Variants in ABCB8 observed in about 807,000 individuals in gnomAD.
The protein encoded by ABCB8 is mitochondrial potassium channel ATP-binding subunit.
ABCB8 carries 52 observed loss-of-function variants against 73.0 expected under a neutral mutation model. The observed-to-expected ratio is 0.71, with a 90% CI of 0.57 to 0.90. The LOEUF (loss-of-function observed/expected upper bound fraction) is 0.90. ABCB8 is among the 40% of genes least tolerant of loss of function. ABCB8 has a pLI of 0.00. For synonymous variants in ABCB8, 428 were observed against 423.5 expected (o/e 1.01, Z -0.13); for missense variants, 909 against 974.6 (o/e 0.93, Z 0.90).
At chr7:151,028,861 C>T (rs1417427034) in intron 1 of ABCB8, 1 of 1,538,364 alleles carries the variant, frequency 6.5e-7, no homozygotes, top group Non-Finnish European at 8.7e-7. Flanking sequence ...GGGTCAGTGA[C>T]CACGCCCAGT....
In ABCB8 at chr7:151,031,910, G is replaced by A. The variant is rs550602667; in HGVS notation, c.96-1695G>A. 3.3e-5 allele frequency among the ~76,000 whole-genome samples: 5 copies of A among 152,278 alleles called. No individual in the cohort carries two copies. The East Asian group carries it at 7.7e-4, about 24-fold the overall frequency. ...ATTACAGGCGTGAGCCACTGCGCCC[G>A]GCCATGCTACGATCTTTAAAATGAA... On this transcript the variant is annotated intron_variant, in intron 1 of 15. Coordinates refer to ENST00000358849, the MANE Select transcript of ABCB8 (RefSeq NM_007188.5).
At chr7:151,035,511 G>T in intron 5 of ABCB8, 70 bp from the exon 6 acceptor site, 1 of 1,510,014 alleles carries the variant, frequency 6.6e-7, no homozygotes, top group South Asian at 1.3e-5. Context: ...ACAGTCAGCT[G>T]ACCCTTGGAA....
chr7:151,044,337 T>TATATTCTGGAC, intron 15 of ABCB8, 116 bp downstream of exon 15: 2 of 1,482,056 alleles, frequency 1.3e-6, no homozygotes, highest in Non-Finnish European at 1.8e-6. Flanking sequence ...CCTTGGGGGC[T>TATATTCTGGAC]ATATTCTGGA....
intron 10 of ABCB8, 47 bp downstream of exon 10, chr7:151,040,348 G>T: frequency 6.2e-7 from 1 of 1,607,272 alleles, no homozygotes; most frequent in Non-Finnish European, 8.5e-7. Flanking sequence ...AGTTTGTGCC[G>T]TGTGTGCCGC....
intron 15 of ABCB8, among the ~76,000 whole-genome samples, chr7:151,044,591 A>T (rs1310975256): frequency 6.6e-6 from 1 of 152,170 alleles, no homozygotes; most frequent in Non-Finnish European, 1.5e-5. Flanking sequence ...CCAAAAAAAA[A>T]AAATTAGCCG....
chr7:151,041,213 T>TCAAGGG lies in ABCB8; in HGVS notation c.1598_1599insCAAGGG (p.Val533_Val534insLysGly). The TCAAGGG allele has an allele frequency of 6.2e-7, 1 of 1,603,064 alleles. No homozygotes were observed. On this transcript the variant is annotated inframe_insertion, in exon 13 of 16. Coordinates refer to ENST00000358849, the MANE Select transcript of ABCB8 (RefSeq NM_007188.5). ...GACCCCTCCTGGCTCCGGGGCCAGG[T>TCAAGGG]TGTCGGCTTCATCAGCCAGGTGCGG...
chr7:151,029,052 G>T, intron 1 of ABCB8: 1 of 1,115,520 alleles, frequency 9.0e-7, no homozygotes, highest in Non-Finnish European at 1.1e-6. Context: ...GGCCGGGCGC[G>T]GTGGCTCGCT....
In ABCB8 at chr7:151,045,299, C is replaced by G. The variant is rs754657583; in HGVS notation, c.2107C>G (p.Pro703Ala). ...QALDAPRTAA[P>A]PPKKPEGPRS... is the part of the protein sequence containing the mutation. ...CCTGGATGCCCCGAGGACAGCGGCCCCACCGCCCAAAAAGCCAGAAGGCCC... is the reference window on the plus strand; with the variant it reads ...CCTGGATGCCCCGAGGACAGCGGCCGCACCGCCCAAAAAGCCAGAAGGCCC... The change falls in exon 16 of 16, where the codon CCA becomes GCA. Residue 703 changes from proline (P) to alanine (A), a missense_variant. Transcript: ENST00000358849. 3.7e-6 allele frequency: 6 copies of G among 1,600,522 alleles called. No homozygotes were observed. In the African/African-American group the frequency reaches 5.4e-5, roughly 14 times the overall value.
chr7:151,037,027 C>A, intron 9 of ABCB8: 1 of 685,502 alleles, frequency 1.5e-6, no homozygotes, highest in South Asian at 1.5e-5. Context: ...CATTGCTGTG[C>A]GGCTGTTGTC....
rs763451753 is a variant in ABCB8 at position 151,040,929 on chromosome 7, G to A, written c.1483+7G>A. The stretch of plus-strand genomic sequence containing the variant: ...GTGGGCCAGTCTGGCGGAGGTAAGG[G>A]GAGCCCACCACCTCTTCACCCTCTG... On this transcript the variant is annotated splice_region_variant and intron_variant, in intron 12 of 15. Coordinates refer to ENST00000358849, the MANE Select transcript of ABCB8 (RefSeq NM_007188.5). 1.2e-6 allele frequency: 2 copies of A among 1,600,638 alleles called. No homozygotes were observed. Among genetic ancestry groups the A allele is most frequent in the South Asian group, 2.2e-5 (2 of 89,598 alleles).
rs1209151880 is a variant in ABCB8, at chr7:151,040,731, C to T, written c.1388+97C>T. The T allele has an allele frequency of 2.5e-6, 4 of 1,599,986 alleles. No individual in the cohort carries two copies. The African/African-American group carries it at 4.0e-5, about 16-fold the overall frequency. On this transcript the variant is annotated intron_variant, in intron 11 of 15. Coordinates refer to ENST00000358849, the MANE Select transcript of ABCB8 (RefSeq NM_007188.5). Reference sequence around the variant, plus strand: ...GGTCTGGACTAATGTCCCCCATAAACAGGCCCTCTCAGAGGGCTACAGGGA... The same window carrying T: ...GGTCTGGACTAATGTCCCCCATAAATAGGCCCTCTCAGAGGGCTACAGGGA...
At chr7:151,042,625 C>T (rs772606695) in intron 14 of ABCB8, among the ~76,000 whole-genome samples, 7 of 152,252 alleles carry the variant, frequency 4.6e-5, no homozygotes, top group African/African-American at 1.7e-4. Flanking sequence ...ACTAGGAACA[C>T]GCAGCCTGGC....
Position 151,034,253 on chromosome 7 carries a change from C to T in ABCB8, c.409-20C>T. ...GCTCCCCCACTTAAAACATTTGTGC[C>T]CTCTGTCTCCCCATTCCAGCTGGCC... On this transcript the variant is annotated intron_variant, in intron 2 of 15. Transcript: ENST00000358849. The T allele has an allele frequency of 6.2e-7, 1 of 1,601,196 alleles. No homozygotes were observed. The highest frequency in any genetic ancestry group is 8.5e-7 in the Non-Finnish European group (1 of 1,173,646).
chr7:151,045,646 A>G lies in ABCB8; in HGVS notation c.*297A>G, dbSNP rs1334652248. ...CCTCCACTCTATTCTCCCTTTGCCC[A>G]GACCCCTCCAGACCTCTCAAGAGAC... On this transcript the variant is annotated 3_prime_UTR_variant, in exon 16 of 16. Transcript: ENST00000358849. 3 of 314,920 alleles carry G rather than the reference A, an allele frequency of 9.5e-6. No homozygotes were observed. The highest frequency in any genetic ancestry group is 1.7e-5 in the Non-Finnish European group (3 of 173,472). The allele number at this position is 314,920 out of a possible 1,614,324, so 19.5% of individuals were successfully genotyped here.
At chr7:151,039,441 T>C (rs1301368898) in intron 9 of ABCB8, 3 of 152,090 alleles carry the variant, frequency 2.0e-5, no homozygotes, top group African/African-American at 7.2e-5. Flanking sequence ...TCTTTCCTCT[T>C]ACTTAGGAGG....
rs773629777 is a variant in ABCB8, at chr7:151,044,021, G to A, written c.1816G>A (p.Ala606Thr). ...SGGQKQRLAI[A>T]RALIKQPTVL... ...GGGCCAGAAGCAGCGCCTGGCCATCGCCCGAGCCCTTATCAAGCAGCCCAC... is the reference window on the plus strand; with the variant it reads ...GGGCCAGAAGCAGCGCCTGGCCATCACCCGAGCCCTTATCAAGCAGCCCAC... The change falls in exon 15 of 16, where the codon GCC becomes ACC. Residue 606 changes from alanine to threonine, a missense_variant. Physicochemically the swap from Ala to Thr is moderately conservative, Grantham distance 58. Coordinates refer to ENST00000358849, the MANE Select transcript of ABCB8 (RefSeq NM_007188.5). The A allele has an allele frequency of 5.7e-5, 92 of 1,612,900 alleles. No individual in the cohort carries two copies. Among genetic ancestry groups the A allele is most frequent in the Non-Finnish European group, 7.1e-5 (84 of 1,179,868 alleles).
intron 14 of ABCB8, 97 bp downstream of exon 14, chr7:151,042,205 G>A (rs1253734749): frequency 6.6e-7 from 1 of 1,514,008 alleles, no homozygotes; most frequent in Non-Finnish European, 9.0e-7. Flanking sequence ...AGGGCAGCAG[G>A]GACAGCTGGG....
At chr7:151,031,789 T>C (rs563810286) in intron 1 of ABCB8, among the ~76,000 whole-genome samples, 205 of 152,136 alleles carry the variant, frequency 1.3e-3, no homozygotes, top group African/African-American at 4.5e-3. Context: ...CACCACCACA[T>C]CCAGCTAATT....
intron 6 of ABCB8, 54 bp downstream of exon 6, chr7:151,035,796 A>G: frequency 3.7e-6 from 6 of 1,606,762 alleles, no homozygotes; most frequent in Non-Finnish European, 4.2e-6. Context: ...TTCTCTTTCC[A>G]CTCCCCGGAA....
Sources: allele counts gnomAD v4.1 joint callset (sites outside exome capture counted in the v4.1 genomes callset), GRCh38; gene constraint gnomAD v4.1.1; transcripts MANE v1.5; gene names NCBI Gene and HGNC (gene_info 2026-07-23, HGNC 2026-07-21).